Variants in PDE7B observed in about 807,000 individuals in gnomAD.
PDE7B encodes 3',5'-cyclic-AMP phosphodiesterase 7B.
Under a neutral mutation model 56.2 loss-of-function variants are expected in PDE7B, and 29 were observed. The observed-to-expected ratio is 0.52, with a 90% confidence interval of 0.38 to 0.70. The LOEUF (loss-of-function observed/expected upper bound fraction) is 0.70. PDE7B is among the 30% of genes least tolerant of loss of function. The pLI, the probability that PDE7B is intolerant of heterozygous loss-of-function variation, is 0.00. For missense variants in PDE7B, 490 were observed against 565.0 expected (o/e 0.87, Z 1.35); for synonymous variants, 197 against 196.9 (o/e 1.00, Z 0.00).
intron 1 of PDE7B, among the ~76,000 whole-genome samples, chr6:135,855,405 G>A (rs1237296461): frequency 6.6e-6 from 1 of 152,110 alleles, no homozygotes; most frequent in African/African-American, 2.4e-5. Context: ...AAAAACAAAA[G>A]GAGAAGTCTG....
At chr6:135,934,877 ATATTTATT>A (rs1391949978) in intron 1 of PDE7B, among the ~76,000 whole-genome samples, 1 of 107,522 alleles carries the variant, frequency 9.3e-6, no homozygotes, top group African/African-American at 4.0e-5. Context: ...ATATATATAA[ATATTTATT>A]TAAATATATA....
intron 1 of PDE7B, among the ~76,000 whole-genome samples, chr6:135,862,974 TTC>T (rs1775179483): frequency 6.6e-6 from 1 of 151,946 alleles, no homozygotes; most frequent in African/African-American, 2.4e-5. Flanking sequence ...GATGTCCTAG[TTC>T]TCTTTTTGTC....
chr6:135,954,185 C>T (rs1286713175), intron 2 of PDE7B, among the ~76,000 whole-genome samples: 1 of 152,184 alleles, frequency 6.6e-6, no homozygotes, highest in African/African-American at 2.4e-5. Flanking sequence ...CCCTGCAACA[C>T]ACCCATACAC....
At chr6:136,033,210 A>C (rs1776270435) in intron 2 of PDE7B, among the ~76,000 whole-genome samples, 1 of 152,234 alleles carries the variant, frequency 6.6e-6, no homozygotes, top group Non-Finnish European at 1.5e-5. Context: ...TGAGTAGAGA[A>C]AATCAAGTCT....
intron 1 of PDE7B, among the ~76,000 whole-genome samples, chr6:135,869,804 G>A (rs1315787154): frequency 1.3e-5 from 2 of 152,212 alleles, no homozygotes; most frequent in Non-Finnish European, 2.9e-5. Context: ...CCCGGCAGAG[G>A]AGAGAGCAAG....
At chr6:135,961,109 T>A (rs936575974) in intron 2 of PDE7B, among the ~76,000 whole-genome samples, 10 of 152,208 alleles carry the variant, frequency 6.6e-5, no homozygotes, top group African/African-American at 2.4e-4. Context: ...ATATTTGCTA[T>A]GTGTCCCTTC....
intron 2 of PDE7B, among the ~76,000 whole-genome samples, chr6:135,973,545 T>G (rs1775130864): frequency 6.6e-6 from 1 of 152,164 alleles, no homozygotes; most frequent in African/African-American, 2.4e-5. Flanking sequence ...TTGAGTAACC[T>G]CCATACTGTT....
chr6:136,177,110 A>G (rs1204779282), intron 9 of PDE7B, among the ~76,000 whole-genome samples: 1 of 151,850 alleles, frequency 6.6e-6, no homozygotes, highest in East Asian at 1.9e-4. Flanking sequence ...AAAGTTTCTT[A>G]AAGAGGAAAA....
At chr6:135,902,852 C>T (rs963456670) in intron 1 of PDE7B, among the ~76,000 whole-genome samples, 2 of 152,124 alleles carry the variant, frequency 1.3e-5, no homozygotes, top group Non-Finnish European at 2.9e-5. Context: ...ATATAATCGG[C>T]ACATCCTGGC....
chr6:135,958,619 A>G (rs140212452), intron 2 of PDE7B, among the ~76,000 whole-genome samples: 115 of 152,298 alleles, frequency 7.6e-4, no homozygotes, highest in Middle Eastern at 3.4e-3. Context: ...GAGACAAATT[A>G]CGTGTATTAC....
intron 2 of PDE7B, among the ~76,000 whole-genome samples, chr6:135,958,327 A>G (rs1774836720): frequency 6.6e-6 from 1 of 152,202 alleles, no homozygotes; most frequent in Non-Finnish European, 1.5e-5. Context: ...TGCTTTCAAG[A>G]TGAGTCCATC....
chr6:135,974,748 T>A (rs1775154129), intron 2 of PDE7B, among the ~76,000 whole-genome samples: 1 of 152,226 alleles, frequency 6.6e-6, no homozygotes, highest in South Asian at 2.1e-4. Context: ...TAGCTATCTT[T>A]ACAGCTACAC....
At chr6:136,152,562 A>ATCTT in intron 6 of PDE7B, among the ~76,000 whole-genome samples, 1 of 152,314 alleles carries the variant, frequency 6.6e-6, no homozygotes, top group South Asian at 2.1e-4. Context: ...GGAGTCCACC[A>ATCTT]TCTTTCCACT....
intron 2 of PDE7B, among the ~76,000 whole-genome samples, chr6:136,078,217 A>T (rs1049134953): frequency 5.3e-5 from 8 of 152,166 alleles, no homozygotes; most frequent in African/African-American, 1.9e-4. Flanking sequence ...TGTTCAAAGG[A>T]CTCATTCGTC....
rs946942520 is a variant in PDE7B at position 136,134,494 on chromosome 6, C to T, written c.167-12857C>T. Among the ~76,000 whole-genome samples, 9 of 152,086 alleles carry T rather than the reference C, an allele frequency of 5.9e-5. No individual in the cohort carries two copies. The South Asian group carries it at 1.0e-3, about 18-fold the overall frequency. ...CGGAGGGTTCAATAAAACCACATTG[C>T]GCCTGGCATGTATTTCTTCTTTAGG... On this transcript the variant is annotated intron_variant, in intron 3 of 12. Coordinates refer to ENST00000308191, the MANE Select transcript of PDE7B (RefSeq NM_018945.4).
intron 2 of PDE7B, chr6:136,038,663 C>A (rs1776367214): frequency 5.5e-6 from 3 of 545,926 alleles, no homozygotes; most frequent in Non-Finnish European, 5.6e-6. Context: ...TTCCAAATGT[C>A]TGCTGTATGA....
At chr6:135,944,893 CAT>C (rs1161514663) in intron 1 of PDE7B, among the ~76,000 whole-genome samples, 1 of 152,148 alleles carries the variant, frequency 6.6e-6, no homozygotes, top group African/African-American at 2.4e-5. Context: ...CTTCACAACA[CAT>C]GTCTGGACTT....
chr6:136,042,910 T>G (rs1776437144), intron 2 of PDE7B, among the ~76,000 whole-genome samples: 1 of 152,222 alleles, frequency 6.6e-6, no homozygotes, highest in Non-Finnish European at 1.5e-5. Flanking sequence ...ATTGTGGATT[T>G]ATGAATCAGA....
chr6:136,093,473 A>G (rs1777423791), intron 2 of PDE7B, among the ~76,000 whole-genome samples: 1 of 152,250 alleles, frequency 6.6e-6, no homozygotes, highest in African/African-American at 2.4e-5. Context: ...TCTCCCTAAA[A>G]TACATGTATT....
Sources: gnomAD v4.1 joint callset for allele counts (sites outside exome capture counted in the v4.1 genomes callset) on GRCh38, gnomAD v4.1.1 for gene constraint, MANE v1.5 for transcripts, NCBI Gene and HGNC (gene_info 2026-07-23, HGNC 2026-07-21) for gene names.